PARD3: variants seen among roughly 807,000 people sequenced by gnomAD.
PARD3 encodes the protein par-3 family cell polarity regulator.
PARD3 carries 75 observed loss-of-function variants against 155.4 expected under a neutral mutation model. That is an observed-to-expected ratio of 0.48 (90% CI 0.40 to 0.58). The LOEUF is 0.58. PARD3 is among the 20% of genes least tolerant of loss of function. PARD3 has a pLI of 0.00. For missense variants in PARD3, 1,642 were observed against 1,721.7 expected (o/e 0.95, Z 0.82); for synonymous variants, 576 against 610.5 (o/e 0.94, Z 0.83).
chr10:34,422,971 A>G (rs1270283620), intron 5 of PARD3, among the ~76,000 whole-genome samples: 2 of 152,212 alleles, frequency 1.3e-5, no homozygotes, highest in African/African-American at 4.8e-5. Flanking sequence ...TTGAAGAGAT[A>G]GCTGTACTCA....
intron 1 of PARD3, among the ~76,000 whole-genome samples, chr10:34,777,096 C>T (rs1240634713): frequency 1.3e-5 from 2 of 151,326 alleles, no homozygotes; most frequent in Non-Finnish European, 2.9e-5. Context: ...CGTGATCCAC[C>T]CACTTCGGCC....
chr10:34,796,347 C>T (rs1355602187), intron 1 of PARD3, among the ~76,000 whole-genome samples: 1 of 152,064 alleles, frequency 6.6e-6, no homozygotes, highest in Non-Finnish European at 1.5e-5. Context: ...TGAGCCCTGC[C>T]CAAATTCCTG....
intron 1 of PARD3, among the ~76,000 whole-genome samples, chr10:34,746,703 C>T (rs1020679819): frequency 7.2e-5 from 11 of 152,150 alleles, no homozygotes; most frequent in African/African-American, 2.4e-4. Flanking sequence ...CAGCTATGTA[C>T]ATACCCAATT....
Position 34,757,390 on chromosome 10 carries a change from G to C in PARD3, c.120+57486C>G, listed in dbSNP as rs552145091. Among the ~76,000 whole-genome samples the C allele has an allele frequency of 2.0e-5, 3 of 152,252 alleles. No homozygotes were observed. In the South Asian group the frequency reaches 6.2e-4, roughly 32 times the overall value. On this transcript the variant is annotated intron_variant, in intron 1 of 24. Transcript: ENST00000374788. Reference sequence around the variant, plus strand: ...ACCTGTCTTTCCTTTTCCACTTCCTGACTCTTAAATTGTCTTTAAGAAAAC... The same window carrying C: ...ACCTGTCTTTCCTTTTCCACTTCCTCACTCTTAAATTGTCTTTAAGAAAAC...
chr10:34,748,626 A>C (rs1835602549), intron 1 of PARD3, among the ~76,000 whole-genome samples: 1 of 151,974 alleles, frequency 6.6e-6, no homozygotes, highest in African/African-American at 2.4e-5. Context: ...CCCTGTAGCA[A>C]ACTCTTCAAG....
At chr10:34,155,991 C>T (rs1564439441) in intron 22 of PARD3, among the ~76,000 whole-genome samples, 1 of 152,152 alleles carries the variant, frequency 6.6e-6, no homozygotes, top group Non-Finnish European at 1.5e-5. Flanking sequence ...CTGGAGGCTG[C>T]TCCCACTCTG....
intron 5 of PARD3, among the ~76,000 whole-genome samples, chr10:34,444,296 T>C (rs1466847540): frequency 9.9e-5 from 15 of 152,222 alleles, no homozygotes. Context: ...CTTCCAGTCA[T>C]GTATCACAAA....
At chr10:34,587,017 G>A (rs963085502) in intron 2 of PARD3, among the ~76,000 whole-genome samples, 2 of 152,124 alleles carry the variant, frequency 1.3e-5, no homozygotes, top group East Asian at 1.9e-4. Context: ...CAGTCAACTG[G>A]GACCACAGCC....
intron 22 of PARD3, among the ~76,000 whole-genome samples, chr10:34,197,706 G>A (rs1449240982): frequency 3.3e-5 from 5 of 152,170 alleles, no homozygotes. Context: ...GGTAACCTTT[G>A]CTCCTACTGC....
At chr10:34,511,699 T>A (rs182929422) in intron 3 of PARD3, among the ~76,000 whole-genome samples, 3 of 152,246 alleles carry the variant, frequency 2.0e-5, no homozygotes, top group African/African-American at 7.2e-5. Context: ...TATACAGTGA[T>A]ACCACTCATA....
intron 22 of PARD3, among the ~76,000 whole-genome samples, chr10:34,186,319 C>T (rs1435239356): frequency 1.3e-5 from 2 of 150,598 alleles, no homozygotes; most frequent in Non-Finnish European, 3.0e-5. Flanking sequence ...ATGATTGCAC[C>T]ACTGCACTCC....
intron 2 of PARD3, among the ~76,000 whole-genome samples, chr10:34,690,113 T>C (rs955558352): frequency 2.6e-5 from 4 of 152,156 alleles, no homozygotes; most frequent in African/African-American, 9.6e-5. Context: ...CCAGCTAATT[T>C]TTGTATTTTT....
chr10:34,275,242 ATGT>A (rs766787183), intron 21 of PARD3, among the ~76,000 whole-genome samples: 2 of 152,206 alleles, frequency 1.3e-5, no homozygotes, highest in Non-Finnish European at 2.9e-5. Flanking sequence ...ATCACCAATA[ATGT>A]TGTCCCCAAA....
At chr10:34,281,079 G>C (rs949718745) in intron 21 of PARD3, among the ~76,000 whole-genome samples, 1 of 152,042 alleles carries the variant, frequency 6.6e-6, no homozygotes, top group South Asian at 2.1e-4. Flanking sequence ...GTGATGCTTG[G>C]TCGACAGAGA....
At chr10:34,118,654 T>C (rs1005829853) in intron 24 of PARD3, among the ~76,000 whole-genome samples, 7 of 152,142 alleles carry the variant, frequency 4.6e-5, no homozygotes, top group Admixed American at 6.5e-5. Context: ...CCAGGACTCA[T>C]CTTTATTAGA....
In PARD3 at chr10:34,794,478, T is replaced by C. The variant is rs960849584; in HGVS notation, c.120+20398A>G. On this transcript the variant is annotated intron_variant, in intron 1 of 24. Transcript: ENST00000374788. ...GAAAGGCAGATTCACAGAAGTTCTATCAGTAAACAGATCACTACAAGAACT... is the reference window on the plus strand; with the variant it reads ...GAAAGGCAGATTCACAGAAGTTCTACCAGTAAACAGATCACTACAAGAACT... 3.9e-5 allele frequency among the ~76,000 whole-genome samples: 6 copies of C among 152,234 alleles called. No individual in the cohort carries two copies. The South Asian group carries it at 1.0e-3, about 26-fold the overall frequency.
At chr10:34,468,433 C>T (rs74132020) in intron 4 of PARD3, among the ~76,000 whole-genome samples, 21 of 152,152 alleles carry the variant, frequency 1.4e-4, no homozygotes, top group African/African-American at 4.8e-4. Flanking sequence ...TTTTTTTAAA[C>T]TGCCAGCTTG....
intron 5 of PARD3, among the ~76,000 whole-genome samples, chr10:34,425,928 T>C (rs2075578600): frequency 6.6e-6 from 1 of 152,178 alleles, no homozygotes; most frequent in Non-Finnish European, 1.5e-5. Flanking sequence ...CCACCTATAT[T>C]ACTTCATCAT....
intron 22 of PARD3, among the ~76,000 whole-genome samples, chr10:34,223,915 C>T (rs1367461990): frequency 6.6e-6 from 1 of 152,196 alleles, no homozygotes; most frequent in Non-Finnish European, 1.5e-5. Flanking sequence ...GATTCTAACC[C>T]AGGTCTTCAT....
Sources: gnomAD v4.1 joint callset for allele counts (sites outside exome capture counted in the v4.1 genomes callset) on GRCh38, gnomAD v4.1.1 for gene constraint, MANE v1.5 for transcripts, NCBI Gene and HGNC (gene_info 2026-07-23, HGNC 2026-07-21) for gene names.